The following UBR1 variants were observed in gnomAD, a reference collection of about 807,000 sequenced individuals.
The protein encoded by UBR1 is ubiquitin protein ligase E3 component n-recognin 1, also known as E3 ubiquitin-protein ligase UBR1.
In UBR1, 102 loss-of-function variants were observed where a neutral mutation model predicts 242.1. That is an observed-to-expected ratio of 0.42 (90% CI 0.36 to 0.50). The LOEUF is 0.50. Ranked by LOEUF, UBR1 falls within the 20% of genes least tolerant of loss-of-function variation. The probability of loss-of-function intolerance (pLI) is 0.01; values close to 1 mark genes in which losing one functional copy is unlikely to be tolerated. For synonymous variants in UBR1, 675 were observed against 684.8 expected, an observed-to-expected ratio of 0.99 and a Z score of 0.22; for missense variants, 1,772 against 2,101.8, an observed-to-expected ratio of 0.84 and a Z score of 3.07.
intron 4 of UBR1, among the ~76,000 whole-genome samples, chr15:43,073,579 T>C (rs1347449396): frequency 1.3e-5 from 2 of 152,204 alleles, no homozygotes; most frequent in African/African-American, 2.4e-5. Flanking sequence ...ATTTTAATAG[T>C]AAGAAATTGA....
intron 28 of UBR1, among the ~76,000 whole-genome samples, chr15:43,016,274 C>CT (rs988868019): frequency 5.3e-5 from 8 of 152,080 alleles, no homozygotes; most frequent in Admixed American, 3.9e-4. Flanking sequence ...ATTTTTTTAA[C>CT]TTTAACAATA....
chr15:43,014,305 C>T, intron 29 of UBR1, among the ~76,000 whole-genome samples: 1 of 152,230 alleles, frequency 6.6e-6, no homozygotes, highest in Non-Finnish European at 1.5e-5. Context: ...AGCCGCCACC[C>T]CGTCTGGGAA....
intron 32 of UBR1, among the ~76,000 whole-genome samples, chr15:43,000,583 T>C (rs1403825800): frequency 6.6e-6 from 1 of 152,216 alleles, no homozygotes; most frequent in African/African-American, 2.4e-5. Context: ...ATTAGGTCTG[T>C]CTTGGGACAA....
intron 12 of UBR1, 84 bp downstream of exon 12, chr15:43,054,658 T>G: frequency 6.7e-7 from 1 of 1,487,332 alleles, no homozygotes. Context: ...ATAACCAAAA[T>G]GATCACAGGA....
intron 19 of UBR1, among the ~76,000 whole-genome samples, chr15:43,034,279 A>G (rs962401351): frequency 3.2e-4 from 33 of 104,236 alleles, no homozygotes; most frequent in East Asian, 1.2e-3. Context: ...TAAATAAATA[A>G]ATAGATAAAT....
chr15:43,077,671 AAAAAAT>A (rs1238819615), intron 3 of UBR1, among the ~76,000 whole-genome samples: 31 of 151,530 alleles, frequency 2.0e-4, no homozygotes, highest in Admixed American at 8.5e-4. Flanking sequence ...CTGAGAAAAA[AAAAAAT>A]AAAAATAAAA....
chr15:42,984,851 C>T (rs750100288), intron 36 of UBR1, 36 bp downstream of exon 36: 10 of 1,568,538 alleles, frequency 6.4e-6, no homozygotes, highest in Non-Finnish European at 7.0e-6. Flanking sequence ...AAAAGGCATG[C>T]CATGAGTTAC....
At position 42,997,988 on chromosome 15, in the gene UBR1, A is replaced by G. The variant is rs543276744; in HGVS notation, c.3757+180T>C. ...ACTGTCTGTATTGTCTCCTAGTATG[A>G]AAAACGATTAAATTTAATAAAGCAA... On this transcript the variant is annotated intron_variant, in intron 33 of 46. Transcript: ENST00000290650. Among the ~76,000 whole-genome samples, 5 of 152,294 alleles carry G rather than the reference A, an allele frequency of 3.3e-5. No homozygotes were observed. The East Asian group carries it at 7.7e-4, about 23-fold the overall frequency.
chr15:43,050,675 G>A (rs1217339970), intron 12 of UBR1, among the ~76,000 whole-genome samples: 1 of 144,812 alleles, frequency 6.9e-6, no homozygotes, highest in Non-Finnish European at 1.5e-5. Context: ...AGTGAGCCAA[G>A]ATAGTGCTAC....
intron 1 of UBR1, among the ~76,000 whole-genome samples, chr15:43,100,827 C>T (rs533408215): frequency 1.1e-4 from 16 of 152,038 alleles, no homozygotes; most frequent in African/African-American, 3.6e-4. Flanking sequence ...AGCGAGACTC[C>T]GTCTCAAAAA....
At chr15:43,059,329 T>A in intron 8 of UBR1, 137 bp from the exon 9 acceptor site, 1 of 762,226 alleles carries the variant, frequency 1.3e-6, no homozygotes, top group Middle Eastern at 3.2e-4. Context: ...CCTCTCACAG[T>A]GCTGGCATTA....
chr15:43,089,914 T>G (rs538221999), intron 1 of UBR1, among the ~76,000 whole-genome samples: 96 of 152,324 alleles, frequency 6.3e-4, no homozygotes, highest in African/African-American at 2.2e-3. Flanking sequence ...ACGAGAGAGA[T>G]AACTAAATGT....
chr15:43,076,768 G>C (rs571716540), intron 3 of UBR1, among the ~76,000 whole-genome samples: 1 of 143,354 alleles, frequency 7.0e-6, no homozygotes, highest in Non-Finnish European at 1.5e-5. Context: ...GTCCGGGAGG[G>C]AGGTGGGAGG....
At chr15:43,019,106 C>T (rs535408098) in intron 27 of UBR1, among the ~76,000 whole-genome samples, 15 of 151,930 alleles carry the variant, frequency 9.9e-5, no homozygotes, top group African/African-American at 3.4e-4. Context: ...TTGTCGCCCA[C>T]GCTGGAGTGC....
intron 38 of UBR1, among the ~76,000 whole-genome samples, chr15:42,977,646 A>G (rs1270232932): frequency 1.3e-5 from 2 of 151,888 alleles, no homozygotes; most frequent in African/African-American, 4.8e-5. Context: ...CCACTAATGT[A>G]ATCAACCAGG....
chr15:43,097,811 G>A (rs1005651213), intron 1 of UBR1, among the ~76,000 whole-genome samples: 1 of 152,196 alleles, frequency 6.6e-6, no homozygotes, highest in Non-Finnish European at 1.5e-5. Context: ...ATTGTGGCTG[G>A]TTCAATCTTC....
intron 5 of UBR1, among the ~76,000 whole-genome samples, chr15:43,070,248 T>TAAA (rs746635905): frequency 4.0e-5 from 1 of 25,226 alleles, no homozygotes; most frequent in African/African-American, 1.5e-4. Flanking sequence ...GAGTTCTAGC[T>TAAA]AAAAAAAAAA....
chr15:43,077,660 T>A (rs2033923627), intron 3 of UBR1, among the ~76,000 whole-genome samples: 6 of 133,458 alleles, frequency 4.5e-5, no homozygotes, highest in Admixed American at 7.4e-5. Context: ...AAAAAAAAAA[T>A]CTGAGAAAAA....
rs527661585 is a variant in UBR1, at chr15:43,091,667, G to A, written c.82-5427C>T. 7.9e-5 allele frequency among the ~76,000 whole-genome samples: 12 copies of A among 151,872 alleles called. No homozygotes were observed. In the South Asian group the frequency reaches 2.3e-3, roughly 29 times the overall value. ...ATTTTAAAACATCATGGCTGGGCAT[G>A]GTGGCTGTAATCCCAGTACTATGGG... On this transcript the variant is annotated intron_variant, in intron 1 of 46. Coordinates refer to ENST00000290650, the MANE Select transcript of UBR1 (RefSeq NM_174916.3).
Sources: gnomAD v4.1 joint callset for allele counts (sites outside exome capture counted in the v4.1 genomes callset) on GRCh38, gnomAD v4.1.1 for gene constraint, MANE v1.5 for transcripts, NCBI Gene and HGNC (gene_info 2026-07-23, HGNC 2026-07-21) for gene names.